The following ADGRB3 variants were observed in gnomAD, a reference collection of about 807,000 sequenced individuals.
ADGRB3 encodes adhesion G protein-coupled receptor B3.
A neutral mutation model predicts 193.4 loss-of-function variants in ADGRB3; 37 were observed. That is an observed-to-expected ratio of 0.19 (90% CI 0.15 to 0.25). The LOEUF (loss-of-function observed/expected upper bound fraction) is 0.25, where lower values mean the gene tolerates loss of function less well. Among genes scored for constraint, ADGRB3 ranks in the 10% least tolerant of loss-of-function variants. ADGRB3 has a pLI of 1.00. For synonymous variants in ADGRB3, 690 were observed against 644.2 expected, an observed-to-expected ratio of 1.07 and a Z score of -1.08; for missense variants, 1,637 against 1,852.9, an observed-to-expected ratio of 0.88 and a Z score of 2.14.
chr6:69,034,006 A>G (rs959769585), intron 13 of ADGRB3, among the ~76,000 whole-genome samples: 1 of 152,066 alleles, frequency 6.6e-6, no homozygotes, highest in Non-Finnish European at 1.5e-5. Flanking sequence ...CTGAATTCAG[A>G]CAAAACCTGA....
At chr6:69,247,163 GA>G (rs571466852) in intron 20 of ADGRB3, among the ~76,000 whole-genome samples, 11 of 152,162 alleles carry the variant, frequency 7.2e-5, no homozygotes, top group Non-Finnish European at 1.0e-4. Context: ...TAAAGAAAAA[GA>G]AATACCTGAT....
At chr6:68,898,992 A>G (rs1163206797) in intron 3 of ADGRB3, among the ~76,000 whole-genome samples, 3 of 152,206 alleles carry the variant, frequency 2.0e-5, no homozygotes, top group African/African-American at 7.2e-5. Flanking sequence ...GAAAAAGGAC[A>G]TTGCGGAAAG....
intron 3 of ADGRB3, among the ~76,000 whole-genome samples, chr6:68,893,998 T>C (rs113751615): frequency 6.6e-6 from 1 of 151,986 alleles, no homozygotes; most frequent in Non-Finnish European, 1.5e-5. Flanking sequence ...GGTTTATTTT[T>C]AGATGATATA....
chr6:69,096,363 G>GTTTTTTTTTTTTTTTTGT (rs70987448), intron 17 of ADGRB3, among the ~76,000 whole-genome samples: 1 of 132,622 alleles, frequency 7.5e-6, no homozygotes. Flanking sequence ...ATTGTTTTGG[G>GTTTTTTTTTTTTTTTTGT]TTTTTTTTTT....
chr6:68,954,526 C>G (rs1018485744), intron 6 of ADGRB3, among the ~76,000 whole-genome samples: 1 of 152,110 alleles, frequency 6.6e-6, no homozygotes, highest in Admixed American at 6.6e-5. Flanking sequence ...TCTTACCACC[C>G]GTTCCTAGTA....
At chr6:68,945,143 T>TAACA (rs1224688299) in intron 6 of ADGRB3, among the ~76,000 whole-genome samples, 1 of 152,130 alleles carries the variant, frequency 6.6e-6, no homozygotes, top group Non-Finnish European at 1.5e-5. Context: ...AAAAGTCATC[T>TAACA]AACAAACTTA....
intron 13 of ADGRB3, among the ~76,000 whole-genome samples, chr6:69,040,566 G>A (rs1265225053): frequency 6.7e-6 from 1 of 149,446 alleles, no homozygotes; most frequent in Admixed American, 6.7e-5. Context: ...AGAGGAAGCC[G>A]AGGGAGTCCT....
intron 3 of ADGRB3, among the ~76,000 whole-genome samples, chr6:68,802,394 C>G (rs1274401881): frequency 6.6e-6 from 1 of 152,084 alleles, no homozygotes; most frequent in Non-Finnish European, 1.5e-5. Context: ...AAGTACAATA[C>G]TAGGCTAATT....
intron 3 of ADGRB3, among the ~76,000 whole-genome samples, chr6:68,642,705 C>G (rs1249212009): frequency 2.0e-5 from 3 of 148,286 alleles, no homozygotes; most frequent in Non-Finnish European, 4.5e-5. Flanking sequence ...TTGTGAAAGC[C>G]AACTAAGTTA....
At chr6:69,162,174 G>A (rs985424811) in intron 17 of ADGRB3, among the ~76,000 whole-genome samples, 4 of 152,122 alleles carry the variant, frequency 2.6e-5, no homozygotes, top group Admixed American at 1.3e-4. Flanking sequence ...TTCTAACATG[G>A]ACTGGTACTG....
intron 3 of ADGRB3, among the ~76,000 whole-genome samples, chr6:68,665,464 G>A (rs1010626444): frequency 6.6e-6 from 1 of 151,544 alleles, no homozygotes; most frequent in Non-Finnish European, 1.5e-5. Context: ...TAACATTATC[G>A]GACCTTAGGT....
chr6:69,190,849 T>A (rs1765170902), intron 17 of ADGRB3, among the ~76,000 whole-genome samples: 1 of 152,194 alleles, frequency 6.6e-6, no homozygotes, highest in Admixed American at 6.6e-5. Context: ...ATAATTATGT[T>A]ACAATTGCCT....
rs1029680813 is a variant in ADGRB3, at chr6:69,389,476, G to A, written c.*585G>A. On this transcript the variant is annotated 3_prime_UTR_variant, in exon 32 of 32. Transcript: ENST00000370598. ...CAGCTGTGTATAAAATATTTAAAAT[G>A]TTGTATGGTGTAAATAAACTTTTGT... 7.2e-5 allele frequency: 11 copies of A among 152,526 alleles called. No homozygotes were observed. The highest frequency in any genetic ancestry group is 2.7e-4 in the African/African-American group (11 of 41,428). 9.4% of individuals were successfully genotyped at this position (152,526 alleles called of 1,614,324 possible).
At chr6:69,109,716 A>G (rs1773314970) in intron 17 of ADGRB3, among the ~76,000 whole-genome samples, 1 of 152,182 alleles carries the variant, frequency 6.6e-6, no homozygotes, top group Non-Finnish European at 1.5e-5. Context: ...CAGGTCAGTG[A>G]CTATTCAGAA....
At chr6:69,034,690 T>A (rs1297943052) in intron 13 of ADGRB3, among the ~76,000 whole-genome samples, 4 of 147,800 alleles carry the variant, frequency 2.7e-5, no homozygotes, top group African/African-American at 1.0e-4. Flanking sequence ...AGAGAGAGAG[T>A]GAGAGAGAGA....
At chr6:69,155,640 A>G (rs1774814594) in intron 17 of ADGRB3, among the ~76,000 whole-genome samples, 1 of 152,226 alleles carries the variant, frequency 6.6e-6, no homozygotes, top group African/African-American at 2.4e-5. Flanking sequence ...AATCCCAATC[A>G]GTCAATCTAC....
At chr6:68,934,488 G>A (rs981519702) in intron 4 of ADGRB3, among the ~76,000 whole-genome samples, 6 of 152,090 alleles carry the variant, frequency 3.9e-5, no homozygotes, top group African/African-American at 7.2e-5. Flanking sequence ...AGAGGAAAAG[G>A]ACTGCTTTTA....
chr6:69,219,617 G>A (rs1765850388), intron 17 of ADGRB3, among the ~76,000 whole-genome samples: 1 of 150,940 alleles, frequency 6.6e-6, no homozygotes, highest in Non-Finnish European at 1.5e-5. Context: ...TTTCAACTTT[G>A]CTAAATCTTT....
chr6:69,149,369 C>T lies in ADGRB3; in HGVS notation c.2480+73331C>T, dbSNP rs544823893. Among the ~76,000 whole-genome samples, 23 of 151,946 alleles carry T rather than the reference C, an allele frequency of 1.5e-4. No individual in the cohort carries two copies. In the East Asian group the frequency reaches 3.7e-3, roughly 24 times the overall value. ...AGTATGTCAGTTGCATTTTTCAGCT[C>T]GGAATTTCTGCTTGATTCTTTTTAA... On this transcript the variant is annotated intron_variant, in intron 17 of 31. Transcript: ENST00000370598.
Sources: allele counts gnomAD v4.1 joint callset (sites outside exome capture counted in the v4.1 genomes callset), GRCh38; gene constraint gnomAD v4.1.1; transcripts MANE v1.5; gene names NCBI Gene and HGNC (gene_info 2026-07-23, HGNC 2026-07-21).